Variants in KCNH2 observed in about 807,000 individuals in gnomAD.
KCNH2 encodes the protein potassium voltage-gated channel subfamily H member 2, also known as voltage-gated inwardly rectifying potassium channel KCNH2.
In KCNH2, 35 loss-of-function variants were observed where a neutral mutation model predicts 95.9. The observed-to-expected ratio is 0.37, with a 90% CI of 0.28 to 0.48. KCNH2 has a LOEUF of 0.48. Among genes scored for constraint, KCNH2 ranks in the 20% least tolerant of loss-of-function variants. The pLI is 0.99. For missense variants in KCNH2, 1,274 were observed against 1,702.9 expected (o/e 0.75, Z 4.43); for synonymous variants, 786 against 754.7 (o/e 1.04, Z -0.68).
In KCNH2 at chr7:150,945,645, G is replaced by T; in HGVS notation, c.3331-131C>A. 1.0e-6 allele frequency: 1 copy of T among 982,192 alleles called. No homozygotes were observed. The highest frequency in any genetic ancestry group is 1.6e-6 in the Non-Finnish European group (1 of 637,884). The allele number at this position is 982,192 out of a possible 1,614,324, so 60.8% of individuals were successfully genotyped here. A position where few individuals can be genotyped will look rare whatever the true frequency, so the allele number is the denominator to read the frequency against. On this transcript the variant is annotated intron_variant, in intron 14 of 14. Transcript: ENST00000262186. This position sits in a 1 kb window ranked among gnomAD's most constrained non-coding sequence, Gnocchi z 5.6. Reference sequence around the variant, plus strand: ...GAGGGCCAAGAGGAGAGTCAGGTGGGCAGAGAAGCTGGAGGGGACAAGAGC... The same window carrying T: ...GAGGGCCAAGAGGAGAGTCAGGTGGTCAGAGAAGCTGGAGGGGACAAGAGC...
Position 150,950,183 on chromosome 7 carries a change from C to T in KCNH2, c.2383G>A (p.Val795Ile), listed in dbSNP as rs1002588450. The change falls in exon 9 of 15, where the codon GTC becomes ATC. Residue 795 changes from valine to isoleucine, a missense_variant. Physicochemically the swap from Val to Ile is conservative, Grantham distance 29. Transcript: ENST00000262186. ...GSIEILRGDV[V>I]VAILGKNDIF... ...CACCCCATACCCAGGATGGCCACGA[C>T]GACGTCGCCCCGCAGGATCTCGATG... 16 of 1,345,296 alleles carry T rather than the reference C, an allele frequency of 1.2e-5. No homozygotes were observed. Among genetic ancestry groups the T allele is most frequent in the African/African-American group, 4.6e-5 (3 of 65,198 alleles). 83.3% of individuals were successfully genotyped at this position (1,345,296 alleles called of 1,614,324 possible).
In KCNH2 at chr7:150,978,268, C is replaced by CCAGCGCCCGCGGCTCGGG. The variant is rs1283402878; in HGVS notation, c.-373_-356dup. The CCAGCGCCCGCGGCTCGGG allele has an allele frequency of 6.1e-5, 9 of 146,592 alleles. No homozygotes were observed. Among genetic ancestry groups the CCAGCGCCCGCGGCTCGGG allele is most frequent in the Non-Finnish European group, 3.0e-5 (2 of 65,840 alleles). The allele number at this position is 146,592 out of a possible 1,614,324, so 9.1% of individuals were successfully genotyped here. On this transcript the variant is annotated 5_prime_UTR_variant, in exon 1 of 15. Transcript: ENST00000262186. ...GCCTGCCACCGCGCCGACAGCCGCT[C>CCAGCGCCCGCGGCTCGGG]CAGCGCCCGCGGCTCGGGCAGCGCC...
rs1365566430 is a variant in KCNH2, at chr7:150,962,629, G to GAC, written c.308-2894_308-2893insGT. Among the ~76,000 whole-genome samples, 3 of 146,916 alleles carry GAC rather than the reference G, an allele frequency of 2.0e-5. No individual in the cohort carries two copies. The highest frequency in any genetic ancestry group is 3.0e-5 in the Non-Finnish European group (2 of 66,278). ...CACTTACACACACACACGAGAGACA[G>GAC]AGAGAGAGAGAGAGAGAGAGAGAGG... On this transcript the variant is annotated intron_variant, in intron 2 of 14. Transcript: ENST00000262186. The surrounding 1 kb of genome is among the most constrained non-coding windows in gnomAD (Gnocchi z 5.7).
At chr7:150,957,619 T>C (rs1163510284) in intron 4 of KCNH2, 117 bp from the exon 5 acceptor site, 3 of 771,696 alleles carry the variant, frequency 3.9e-6, no homozygotes, top group Non-Finnish European at 6.7e-6. Flanking sequence ...TGGGGTCAGC[T>C]CAAGAGACCA....
rs144926928 is a variant in KCNH2 at position 150,952,662 on chromosome 7, C to T, written c.1320G>A (p.Pro440=). The T allele has an allele frequency of 1.2e-4, 193 of 1,614,048 alleles. No homozygotes were observed. Among genetic ancestry groups the T allele is most frequent in the Non-Finnish European group, 1.5e-4 (182 of 1,180,036 alleles). The change falls in exon 6 of 15, where the codon CCG becomes CCA. Residue 440 remains proline, a synonymous_variant. Transcript: ENST00000262186. The surrounding 1 kb of genome is among the most constrained non-coding windows in gnomAD (Gnocchi z 7.3). ...AFLLKETEEG[P]PATECGYACQ... ...AGGCGTAGCCACACTCGGTAGCAGGCGGGCCTTCTTCCGTCTCCTTCAGCA... is the reference window on the plus strand; with the variant it reads ...AGGCGTAGCCACACTCGGTAGCAGGTGGGCCTTCTTCCGTCTCCTTCAGCA...
chr7:150,956,093 G>C (rs1801367884), intron 5 of KCNH2, among the ~76,000 whole-genome samples: 1 of 152,164 alleles, frequency 6.6e-6, no homozygotes, highest in South Asian at 2.1e-4. Context: ...GCTAGTGACT[G>C]GCAGGAACAC....
In KCNH2 at chr7:150,958,082, G is replaced by A. The variant is rs1801437902; in HGVS notation, c.893C>T (p.Pro298Leu). Residue 298 changes from proline to leucine, a missense_variant, in exon 4 of 15, where the codon CCG (proline) becomes CTG (leucine). Pro to Leu is a moderately conservative substitution (Grantham distance 98). This residue lies in a region of KCNH2 where 392 missense variants were observed against 429.9 expected (regional missense o/e 0.91). Transcript: ENST00000262186. ...ACCGGTGCTGGCGTGGCGCGGTGGC[G>A]GGGGCAGCACCCCGGCGCGCATGGC... ...IEAMRAGVLP[P>L]PPRHASTGAM... The A allele has an allele frequency of 3.1e-6, 4 of 1,275,276 alleles. No homozygotes were observed. Among genetic ancestry groups the A allele is most frequent in the African/African-American group, 3.1e-5 (2 of 64,382 alleles). The allele number at this position is 1,275,276 out of a possible 1,614,324, so 79.0% of individuals were successfully genotyped here.
chr7:150,947,589 C>A lies in KCNH2; in HGVS notation c.2965+17G>T, dbSNP rs756765646. The A allele has an allele frequency of 6.2e-7, 1 of 1,611,366 alleles. No individual in the cohort carries two copies. The highest frequency in any genetic ancestry group is 1.7e-5 in the Admixed American group (1 of 59,802). On this transcript the variant is annotated intron_variant, in intron 12 of 14. Transcript: ENST00000262186. ...GCCACGCCCGGTCCTCCCTCGCCCG[C>A]CCGTCGCCCGGGATACCTGACAGGG...
intron 2 of KCNH2, among the ~76,000 whole-genome samples, chr7:150,972,099 A>G (rs927892964): frequency 6.6e-6 from 1 of 152,082 alleles, no homozygotes; most frequent in Non-Finnish European, 1.5e-5. Context: ...CCTTCAGCCC[A>G]CACTCCCCCA....
At chr7:150,971,386 G>A (rs1446616910) in intron 2 of KCNH2, among the ~76,000 whole-genome samples, 1 of 152,112 alleles carries the variant, frequency 6.6e-6, no homozygotes, top group Non-Finnish European at 1.5e-5. Context: ...AGCATCAGCT[G>A]TTGCAGTGGG....
chr7:150,973,026 C>G (rs1801879812), intron 2 of KCNH2, among the ~76,000 whole-genome samples: 1 of 152,228 alleles, frequency 6.6e-6, no homozygotes, highest in African/African-American at 2.4e-5. Flanking sequence ...CAGGCACTCT[C>G]TATGAAAGCT....
At chr7:150,955,372 G>A (rs747179444) in intron 5 of KCNH2, 1 of 1,549,822 alleles carries the variant, frequency 6.5e-7, no homozygotes, top group East Asian at 2.4e-5. Flanking sequence ...CCAGAAAGAA[G>A]AGGAAGGACC....
At chr7:150,967,873 C>A (rs902822695) in intron 2 of KCNH2, among the ~76,000 whole-genome samples, 11 of 152,354 alleles carry the variant, frequency 7.2e-5, no homozygotes, top group African/African-American at 2.4e-4. Context: ...CTGGAATACA[C>A]TGAATGTTTA....
At position 150,957,360 on chromosome 7, in the gene KCNH2, G is replaced by A; in HGVS notation, c.1059C>T (p.Thr353=). ...TAGGTGCTATGATCTCACGGTCACTGGTGGGCGAAGCCAAGAAGGGGTCGC... is the reference window on the plus strand; with the variant it reads ...TAGGTGCTATGATCTCACGGTCACTAGTGGGCGAAGCCAAGAAGGGGTCGC... ...LKGDPFLASP[T]SDREIIAPKI... The change falls in exon 5 of 15, where the codon ACC becomes ACT. Residue 353 remains threonine (T), a synonymous_variant. Transcript: ENST00000262186. 6.2e-7 allele frequency: 1 copy of A among 1,613,306 alleles called. No homozygotes were observed. The highest frequency in any genetic ancestry group is 1.1e-5 in the South Asian group (1 of 90,880).
At chr7:150,972,095 G>T (rs1168993217) in intron 2 of KCNH2, among the ~76,000 whole-genome samples, 1 of 152,132 alleles carries the variant, frequency 6.6e-6, no homozygotes, top group African/African-American at 2.4e-5. Flanking sequence ...TCTCCCTTCA[G>T]CCCACACTCC....
At chr7:150,966,722 A>G (rs1212165728) in intron 2 of KCNH2, among the ~76,000 whole-genome samples, 2 of 152,240 alleles carry the variant, frequency 1.3e-5, no homozygotes, top group East Asian at 3.8e-4. Context: ...TTACAATAGC[A>G]ACAAAAACTC....
intron 2 of KCNH2, among the ~76,000 whole-genome samples, chr7:150,973,291 A>C (rs770136325): frequency 6.6e-6 from 1 of 152,258 alleles, no homozygotes; most frequent in African/African-American, 2.4e-5. Context: ...TATGACAGAC[A>C]GAACAGAGCG....
chr7:150,955,938 G>T (rs1275904159), intron 5 of KCNH2: 3 of 753,204 alleles, frequency 4.0e-6, no homozygotes, highest in Non-Finnish European at 4.8e-6. Context: ...CTCCTGCAGC[G>T]GCGCTCCCGC....
intron 3 of KCNH2, 38 bp from the exon 4 acceptor site, chr7:150,958,540 G>C: frequency 2.7e-6 from 4 of 1,458,622 alleles, no homozygotes; most frequent in South Asian, 2.6e-5. Flanking sequence ...TGGGGATCGC[G>C]AGCAGCCCCG....
Sources: gnomAD v4.1 joint callset for allele counts (sites outside exome capture counted in the v4.1 genomes callset) on GRCh38, gnomAD v4.1.1 for gene constraint, gnomAD v4.1.1 regional missense constraint, Gnocchi (gnomAD v3.1) non-coding constraint, MANE v1.5 for transcripts, NCBI Gene and HGNC (gene_info 2026-07-23, HGNC 2026-07-21) for gene names.